The following ADCY3 variants were observed in gnomAD, a reference collection of about 807,000 sequenced individuals.
ADCY3 encodes adenylate cyclase 3.
Under a neutral mutation model 119.4 loss-of-function variants are expected in ADCY3, and 70 were observed. The observed-to-expected ratio is 0.59, with a 90% CI of 0.48 to 0.72. The LOEUF is 0.72. ADCY3 is among the 30% of genes least tolerant of loss of function. ADCY3 has a pLI of 0.00. For synonymous variants in ADCY3, 672 were observed against 621.4 expected, an observed-to-expected ratio of 1.08 and a Z score of -1.21; for missense variants, 1,238 against 1,541.6, an observed-to-expected ratio of 0.80 and a Z score of 3.30.
intron 3 of ADCY3, among the ~76,000 whole-genome samples, chr2:24,857,642 A>T (rs1157550311): frequency 6.6e-6 from 1 of 152,130 alleles, no homozygotes; most frequent in Non-Finnish European, 1.5e-5. Flanking sequence ...TACTGTGCCA[A>T]CTCTGATGGG....
At chr2:24,873,723 C>G (rs561015219) in intron 2 of ADCY3, among the ~76,000 whole-genome samples, 2 of 152,338 alleles carry the variant, frequency 1.3e-5, no homozygotes, top group African/African-American at 4.8e-5. Context: ...CTCAGTAAGC[C>G]TTTTCAAGCA....
intron 3 of ADCY3, among the ~76,000 whole-genome samples, chr2:24,867,717 T>C (rs903412088): frequency 6.6e-6 from 1 of 152,116 alleles, no homozygotes; most frequent in Non-Finnish European, 1.5e-5. Context: ...AGGGAATTCT[T>C]CAAGAAAATG....
intron 15 of ADCY3, among the ~76,000 whole-genome samples, chr2:24,827,309 C>T (rs74547684): frequency 6.6e-6 from 1 of 152,206 alleles, no homozygotes; most frequent in Non-Finnish European, 1.5e-5. Context: ...CATTTTCCTG[C>T]TGCCTGTCTG....
intron 3 of ADCY3, among the ~76,000 whole-genome samples, chr2:24,852,481 ACCCGGCCTC>A (rs541336161): frequency 3.6e-4 from 55 of 152,258 alleles, no homozygotes; most frequent in African/African-American, 1.3e-3. Context: ...CTGGTGGGTC[ACCCGGCCTC>A]CCCGGCCTCA....
At chr2:24,875,629 G>A (rs1278663866) in intron 2 of ADCY3, among the ~76,000 whole-genome samples, 1 of 152,200 alleles carries the variant, frequency 6.6e-6, no homozygotes, top group Non-Finnish European at 1.5e-5. Context: ...GGTGGCAGCA[G>A]TGCTCCCAGG....
chr2:24,823,478 C>T, intron 17 of ADCY3, 123 bp from the exon 18 acceptor site: 1 of 907,340 alleles, frequency 1.1e-6, no homozygotes, highest in Non-Finnish European at 1.6e-6. Flanking sequence ...ACACATCAGT[C>T]AGATTATTCC....
At position 24,872,965 on chromosome 2, in the gene ADCY3, G is replaced by A. The variant is rs1450528901; in HGVS notation, c.676-246C>T. ...GGCCTGAAAGGCTCAAGGGTTCCAC[G>A]AGGGGCAGGGTGCAGGCGTTCAAGC... On this transcript the variant is annotated intron_variant, in intron 2 of 21. Coordinates refer to ENST00000679454, the MANE Select transcript of ADCY3 (RefSeq NM_004036.5). This position sits in a 1 kb window ranked among gnomAD's most constrained non-coding sequence, Gnocchi z 4.4. Among the ~76,000 whole-genome samples, 1 of 152,232 alleles carries A rather than the reference G, an allele frequency of 6.6e-6. No homozygotes were observed. Among genetic ancestry groups the A allele is most frequent in the Non-Finnish European group, 1.5e-5 (1 of 68,032 alleles).
intron 7 of ADCY3, chr2:24,838,960 T>TG (rs1670663204): frequency 9.4e-7 from 1 of 1,059,314 alleles, no homozygotes; most frequent in Non-Finnish European, 1.3e-6. Context: ...TTTTTTTTTT[T>TG]GAGACAGAGT....
chr2:24,871,963 G>A (rs1042603998), intron 3 of ADCY3, among the ~76,000 whole-genome samples: 1 of 152,242 alleles, frequency 6.6e-6, no homozygotes, highest in African/African-American at 2.4e-5. Context: ...GCATCCCCGG[G>A]GAACAGGCTG....
At position 24,883,900 on chromosome 2, in the gene ADCY3, C is replaced by T. The variant is rs561510371; in HGVS notation, c.676-11181G>A. On this transcript the variant is annotated intron_variant, in intron 2 of 21. Coordinates refer to ENST00000679454, the MANE Select transcript of ADCY3 (RefSeq NM_004036.5). ...GCAAACTCTTTGGATTCCAAAACTT[C>T]CTACCTTTCAATTCAGAAAATGACA... Among the ~76,000 whole-genome samples the T allele has an allele frequency of 2.6e-5, 4 of 152,310 alleles. No individual in the cohort carries two copies. In the East Asian group the frequency reaches 7.7e-4, roughly 29 times the overall value.
At chr2:24,901,957 C>A (rs1023831978) in intron 2 of ADCY3, among the ~76,000 whole-genome samples, 3 of 151,284 alleles carry the variant, frequency 2.0e-5, no homozygotes, top group African/African-American at 7.3e-5. Context: ...TATGTATGCA[C>A]AATTTTTGTG....
rs58904311 is a variant in ADCY3, at chr2:24,853,005, G to GGTGTGT, written c.826-10627_826-10622dup. Among the ~76,000 whole-genome samples the GGTGTGT allele has an allele frequency of 2.7e-3, 253 of 95,336 alleles. 3 individuals carry two copies. The highest frequency in any genetic ancestry group is 0.011 in the Middle Eastern group (2 of 184). 62.5% of individuals were successfully genotyped at this position (95,336 alleles called of 152,430 possible). On this transcript the variant is annotated intron_variant, in intron 3 of 21. Transcript: ENST00000679454. The stretch of plus-strand genomic sequence containing the variant: ...ATTTGAAGGAAAGGAACAGCTGGAG[G>GGTGTGT]GTGTGTGTGTGTGTGTGTGTGTGTG...
rs1674341795 is a variant in ADCY3, at chr2:24,866,580, A to AAG, written c.825+5989_825+5990insCT. Among the ~76,000 whole-genome samples the AAG allele has an allele frequency of 2.0e-5, 3 of 150,230 alleles. No individual in the cohort carries two copies. The South Asian group carries it at 6.3e-4, about 31-fold the overall frequency. On this transcript the variant is annotated intron_variant, in intron 3 of 21. Coordinates refer to ENST00000679454, the MANE Select transcript of ADCY3 (RefSeq NM_004036.5). ...ACCCTGTCTCAAAAAAAAAAAAAAA[A>AAG]AAAAAGAAAAAAAAAAAGGCCAAGA...
rs377506465 is a variant in ADCY3, at chr2:24,827,928, G to A, written c.2406C>T (p.Tyr802=). 1.6e-5 allele frequency: 26 copies of A among 1,614,060 alleles called. No homozygotes were observed. The highest frequency in any genetic ancestry group is 8.3e-5 in the Admixed American group (5 of 60,002). The change falls in exon 14 of 22, where the codon TAC becomes TAT. Residue 802 remains tyrosine (Y), a synonymous_variant. Coordinates refer to ENST00000679454, the MANE Select transcript of ADCY3 (RefSeq NM_004036.5). ...CGTGCTCCCGAAAACGCTTGTGGTC[G>A]TATTCATCAAAGACGGGACGCCAGG... is the stretch of plus-strand genomic sequence containing the variant. The part of the protein sequence containing the change: ...LYAWRPVFDE[Y]DHKRFREHDL...
chr2:24,884,394 C>G (rs939768912), intron 2 of ADCY3, among the ~76,000 whole-genome samples: 1 of 151,916 alleles, frequency 6.6e-6, no homozygotes, highest in African/African-American at 2.4e-5. Flanking sequence ...AACTCTCATG[C>G]TGCTGCCTTA....
At chr2:24,838,966 A>G (rs1406393275) in intron 7 of ADCY3, 46 of 1,210,050 alleles carry the variant, frequency 3.8e-5, no homozygotes, top group Non-Finnish European at 4.9e-5. Context: ...TTTTTGAGAC[A>G]GAGTCTTGTT....
intron 2 of ADCY3, among the ~76,000 whole-genome samples, chr2:24,884,699 A>C (rs991281403): frequency 2.7e-5 from 4 of 150,758 alleles, no homozygotes; most frequent in African/African-American, 7.3e-5. Flanking sequence ...CTGGTCTTGA[A>C]CTCCTGACCT....
intron 2 of ADCY3, among the ~76,000 whole-genome samples, chr2:24,886,761 A>C (rs1677074717): frequency 6.6e-6 from 1 of 152,112 alleles, no homozygotes; most frequent in Non-Finnish European, 1.5e-5. Context: ...CACTGCTCTC[A>C]CTCACTCGGA....
intron 3 of ADCY3, among the ~76,000 whole-genome samples, chr2:24,866,583 A>AAAAAAAT (rs1674344499): frequency 6.7e-6 from 1 of 150,232 alleles, no homozygotes; most frequent in African/African-American, 2.4e-5. Context: ...AAAAAAAAAA[A>AAAAAAAT]AAGAAAAAAA....
Sources: allele counts gnomAD v4.1 joint callset (sites outside exome capture counted in the v4.1 genomes callset), GRCh38; gene constraint gnomAD v4.1.1; non-coding constraint Gnocchi (gnomAD v3.1); transcripts MANE v1.5; gene names NCBI Gene and HGNC (gene_info 2026-07-23, HGNC 2026-07-21).